PGM1: variants seen among roughly 807,000 people sequenced by gnomAD.
PGM1 encodes phosphoglucomutase-1.
PGM1 carries 52 observed loss-of-function variants against 55.6 expected under a neutral mutation model. The observed-to-expected ratio is 0.94, with a 90% CI of 0.75 to 1.18. The LOEUF is 1.18. PGM1 is among the 50% of genes most tolerant of loss of function. The pLI, the probability that PGM1 is intolerant of heterozygous loss-of-function variation, is 0.00. For missense variants in PGM1, 724 were observed against 729.3 expected (o/e 0.99, Z 0.08); for synonymous variants, 287 against 271.7 (o/e 1.06, Z -0.55).
At chr1:63,656,650 C>G (rs1292378416) in intron 10 of PGM1, among the ~76,000 whole-genome samples, 2 of 149,942 alleles carry the variant, frequency 1.3e-5, no homozygotes, top group Non-Finnish European at 3.0e-5. Context: ...CAACAAAAAC[C>G]AAAATCTTGC....
At chr1:63,594,120 A>T (rs910129236) in intron 1 of PGM1, 1 of 1,005,940 alleles carries the variant, frequency 9.9e-7, no homozygotes, top group Non-Finnish European at 1.2e-6. Context: ...TACGGCGCAG[A>T]GTGCTGTCGC....
chr1:63,618,473 A>C (rs191704103), intron 1 of PGM1, among the ~76,000 whole-genome samples: 1 of 152,342 alleles, frequency 6.6e-6, no homozygotes, highest in Non-Finnish European at 1.5e-5. Flanking sequence ...ATCTTTAGAT[A>C]AACTAATATC....
chr1:63,646,367 A>G (rs553361089), intron 7 of PGM1, among the ~76,000 whole-genome samples: 10 of 152,230 alleles, frequency 6.6e-5, no homozygotes, highest in Admixed American at 1.3e-4. Context: ...GTTGTGTTCC[A>G]TATCAGGCTC....
At chr1:63,634,294 A>T (rs1649302782) in intron 4 of PGM1, among the ~76,000 whole-genome samples, 1 of 152,180 alleles carries the variant, frequency 6.6e-6, no homozygotes, top group African/African-American at 2.4e-5. Context: ...TCAGTACTTC[A>T]TAGCTATTAA....
intron 1 of PGM1, among the ~76,000 whole-genome samples, chr1:63,619,044 T>G (rs937599704): frequency 1.3e-5 from 2 of 152,222 alleles, no homozygotes; most frequent in African/African-American, 2.4e-5. Context: ...TTCTCATGCC[T>G]CAACTGTTCT....
intron 1 of PGM1, 92 bp downstream of exon 1, chr1:63,593,826 T>C (rs1001368511): frequency 9.1e-6 from 12 of 1,320,564 alleles, no homozygotes; most frequent in Non-Finnish European, 1.1e-5. Context: ...GCCGGCCGCT[T>C]CCGCGCGCTG....
chr1:63,656,150 T>C lies in PGM1; in HGVS notation c.1599+1684T>C, dbSNP rs569099860. ...GAAGGACATTTCTCCAAAGAAAACA[T>C]ACAAATGGCCAACAGGCGTATGAAA... On this transcript the variant is annotated intron_variant, in intron 10 of 10. Coordinates refer to ENST00000371084, the MANE Select transcript of PGM1 (RefSeq NM_002633.3). 2.6e-5 allele frequency: 4 copies of C among 152,318 alleles called. 1 individual carries two copies. Among genetic ancestry groups the C allele is most frequent in the African/African-American group, 7.2e-5 (3 of 41,572 alleles). 9.4% of individuals were successfully genotyped at this position (152,318 alleles called of 1,614,324 possible). A position where few individuals can be genotyped will look rare whatever the true frequency, so the allele number is the denominator to read the frequency against.
At chr1:63,601,327 G>A (rs1161441071) in intron 1 of PGM1, among the ~76,000 whole-genome samples, 3 of 152,216 alleles carry the variant, frequency 2.0e-5, no homozygotes, top group African/African-American at 7.2e-5. Context: ...AAGGAGTTTA[G>A]TAAAAAGCCT....
chr1:63,640,603 G>A (rs1649489948), intron 7 of PGM1, among the ~76,000 whole-genome samples: 1 of 152,066 alleles, frequency 6.6e-6, no homozygotes, highest in African/African-American at 2.4e-5. Flanking sequence ...AGACCCATGT[G>A]GGAAGCCTTG....
intron 1 of PGM1, among the ~76,000 whole-genome samples, chr1:63,624,099 C>A (rs59760342): frequency 0.033 from 5,059 of 152,236 alleles, 260 homozygotes; most frequent in African/African-American, 0.11. Context: ...GCACCCTGTC[C>A]TGTGTAAGAG....
rs892847881 is a variant in PGM1, at chr1:63,657,440, G to A, written c.1600-2146G>A. 4.2e-4 allele frequency among the ~76,000 whole-genome samples: 64 copies of A among 152,090 alleles called. 2 individuals are homozygous for A. Among genetic ancestry groups the A allele is most frequent in the African/African-American group, 1.5e-3 (62 of 41,404 alleles). Reference sequence around the variant, plus strand: ...GTTTAAACACTGTGGCTGGCATATAGGATTAACTTTTCAGAATAAGCAGCA... The same window carrying A: ...GTTTAAACACTGTGGCTGGCATATAAGATTAACTTTTCAGAATAAGCAGCA... On this transcript the variant is annotated intron_variant, in intron 10 of 10. Transcript: ENST00000371084.
intron 1 of PGM1, among the ~76,000 whole-genome samples, chr1:63,622,608 G>A (rs1037478081): frequency 6.6e-6 from 1 of 152,014 alleles, no homozygotes; most frequent in African/African-American, 2.4e-5. Context: ...TCCGTGTTTT[G>A]CTTACATTTT....
intron 1 of PGM1, among the ~76,000 whole-genome samples, chr1:63,611,739 C>T (rs951053580): frequency 1.3e-5 from 2 of 152,108 alleles, no homozygotes; most frequent in Non-Finnish European, 2.9e-5. Context: ...CCTGTCTTTA[C>T]TAAAAATACA....
intron 6 of PGM1, 65 bp downstream of exon 6, chr1:63,636,453 C>T: frequency 2.0e-6 from 3 of 1,480,616 alleles, no homozygotes; most frequent in Non-Finnish European, 2.8e-6. Context: ...ATACCCTTCA[C>T]TGTGCCTGGA....
intron 1 of PGM1, among the ~76,000 whole-genome samples, chr1:63,612,839 G>A (rs1648606525): frequency 6.6e-6 from 1 of 152,220 alleles, no homozygotes; most frequent in South Asian, 2.1e-4. Flanking sequence ...TTGGGAAGTT[G>A]TCTGTGATTA....
At chr1:63,655,115 C>T (rs116767372) in intron 10 of PGM1, among the ~76,000 whole-genome samples, 2,130 of 151,668 alleles carry the variant, frequency 0.014, 56 homozygotes, top group African/African-American at 0.049. Context: ...ATTACAGGCA[C>T]GTGCCACCAT....
chr1:63,635,049 G>A (rs1306850196), intron 5 of PGM1, 30 bp downstream of exon 5: 4 of 1,590,440 alleles, frequency 2.5e-6, no homozygotes, highest in Non-Finnish European at 3.5e-6. Context: ...AGTGAACTCT[G>A]GTGCAGGCCA....
chr1:63,611,621 T>C (rs1022390308), intron 1 of PGM1, among the ~76,000 whole-genome samples: 2 of 152,138 alleles, frequency 1.3e-5, no homozygotes, highest in Non-Finnish European at 2.9e-5. Context: ...AAGCTATCTG[T>C]AGGCCGGGCG....
chr1:63,625,347 C>G (rs919823415), intron 1 of PGM1, among the ~76,000 whole-genome samples: 6 of 152,194 alleles, frequency 3.9e-5, no homozygotes, highest in African/African-American at 1.4e-4. Context: ...CAAGTCTTTT[C>G]AAGGTAAGCT....
Sources: gnomAD v4.1 joint callset for allele counts (sites outside exome capture counted in the v4.1 genomes callset) on GRCh38, gnomAD v4.1.1 for gene constraint, MANE v1.5 for transcripts, NCBI Gene and HGNC (gene_info 2026-07-23, HGNC 2026-07-21) for gene names.